Variants in ACOT7 observed in about 807,000 individuals in gnomAD.
ACOT7 encodes acyl-CoA thioesterase 7.
A neutral mutation model predicts 40.2 loss-of-function variants in ACOT7; 12 were observed. That is an observed-to-expected ratio of 0.30 (90% CI 0.19 to 0.48). The LOEUF is 0.48. Among genes scored for constraint, ACOT7 ranks in the 20% least tolerant of loss-of-function variants. The pLI, the probability that ACOT7 is intolerant of heterozygous loss-of-function variation, is 0.99. For synonymous variants in ACOT7, 228 were observed against 219.5 expected, an observed-to-expected ratio of 1.04 and a Z score of -0.34; for missense variants, 395 against 530.8, an observed-to-expected ratio of 0.74 and a Z score of 2.51.
intron 7 of ACOT7, chr1:6,283,037 G>A (rs1639399157): frequency 2.5e-6 from 1 of 404,530 alleles, no homozygotes; most frequent in African/African-American, 2.1e-5. Context: ...TCCATGAGCA[G>A]AAACCAACAA....
rs1639581489 is a variant in ACOT7 at position 6,288,768 on chromosome 1, G to GCCA, written c.829+6093_829+6095dup. Among the ~76,000 whole-genome samples the GCCA allele has an allele frequency of 6.6e-6, 1 of 152,210 alleles. No homozygotes were observed. The highest frequency in any genetic ancestry group is 1.5e-5 in the Non-Finnish European group (1 of 68,032). On this transcript the variant is annotated intron_variant, in intron 7 of 8. Transcript: ENST00000361521. The surrounding 1 kb of genome is among the most constrained non-coding windows in gnomAD (Gnocchi z 4.3). ...ATGGCCGCGGGTGAGGCCTCTCCCA[G>GCCA]CCACGACAAGTGCCCCAAGTTCGTA... is the stretch of plus-strand genomic sequence containing the variant.
chr1:6,359,020 T>C lies in ACOT7; in HGVS notation c.144-9154A>G. The C allele has an allele frequency of 9.3e-7, 1 of 1,078,456 alleles. No individual in the cohort carries two copies. The highest frequency in any genetic ancestry group is 2.9e-4 in the Middle Eastern group (1 of 3,480). The allele number at this position is 1,078,456 out of a possible 1,614,324, so 66.8% of individuals were successfully genotyped here. A position where few individuals can be genotyped will look rare whatever the true frequency, so the allele number is the denominator to read the frequency against. On this transcript the variant is annotated intron_variant, in intron 1 of 8. Coordinates refer to ENST00000361521, the MANE Select transcript of ACOT7 (RefSeq NM_007274.4). This position sits in a 1 kb window ranked among gnomAD's most constrained non-coding sequence, Gnocchi z 4.1. ...CCAATCTGGCCAGGAAGAGGCTGCC[T>C]CGCCAATCCAGAGCGTCTACCAGAA...
intron 7 of ACOT7, 113 bp from the exon 8 acceptor site, chr1:6,281,399 T>C: frequency 1.2e-6 from 1 of 853,794 alleles, no homozygotes; most frequent in South Asian, 1.5e-5. Flanking sequence ...AGCAGTGGCT[T>C]GGCTGACTAC....
Position 6,358,688 on chromosome 1 carries a change from C to T in ACOT7, c.144-8822G>A. 1 of 853,986 alleles carries T rather than the reference C, an allele frequency of 1.2e-6. No homozygotes were observed. Among genetic ancestry groups the T allele is most frequent in the Non-Finnish European group, 1.9e-6 (1 of 535,300 alleles). The allele number at this position is 853,986 out of a possible 1,614,324, so 52.9% of individuals were successfully genotyped here. A position where few individuals can be genotyped will look rare whatever the true frequency, so the allele number is the denominator to read the frequency against. On this transcript the variant is annotated intron_variant, in intron 1 of 8. Transcript: ENST00000361521. This position sits in a 1 kb window ranked among gnomAD's most constrained non-coding sequence, Gnocchi z 4.1. The stretch of plus-strand genomic sequence containing the variant: ...GCCAGGTGGGTGCCCTACTGCCCTT[C>T]CTGGCTGCATGACACCAGCCAGCCT...
chr1:6,335,628 C>T (rs1309319444), intron 3 of ACOT7, among the ~76,000 whole-genome samples: 1 of 152,208 alleles, frequency 6.6e-6, no homozygotes, highest in African/African-American at 2.4e-5. Context: ...CAGAGGAGCT[C>T]ACTTCCCACC....
chr1:6,288,813 C>T lies in ACOT7; in HGVS notation c.829+6051G>A, dbSNP rs150123274. On this transcript the variant is annotated intron_variant, in intron 7 of 8. Transcript: ENST00000361521. This position sits in a 1 kb window ranked among gnomAD's most constrained non-coding sequence, Gnocchi z 4.3. ...TTCGTAAGTTCCTCCTAGGCACACA[C>T]CCTTCGTGGCTGAAACTCAAAGTTA... Among the ~76,000 whole-genome samples the T allele has an allele frequency of 1.6e-3, 251 of 152,342 alleles. 1 individual carries two copies. Among genetic ancestry groups the T allele is most frequent in the African/African-American group, 5.6e-3 (234 of 41,578 alleles).
chr1:6,391,512 C>CA (rs1642532535), intron 1 of ACOT7, among the ~76,000 whole-genome samples: 2 of 152,166 alleles, frequency 1.3e-5, no homozygotes, highest in South Asian at 4.1e-4. Context: ...TCTCAAAAAA[C>CA]AAAAAATCTA....
chr1:6,290,646 G>A (rs1344273501), intron 7 of ACOT7, among the ~76,000 whole-genome samples: 1 of 152,224 alleles, frequency 6.6e-6, no homozygotes, highest in East Asian at 1.9e-4. Flanking sequence ...GCAACCCTCG[G>A]TCTATGCGAC....
chr1:6,340,963 G>T lies in ACOT7; in HGVS notation c.262-1374C>A, dbSNP rs374044511. 1.8e-4 allele frequency among the ~76,000 whole-genome samples: 27 copies of T among 151,992 alleles called. No homozygotes were observed. In the East Asian group the frequency reaches 5.3e-3, roughly 30 times the overall value. ...AGGTATGAGAATCAGGTGAACTCGGGACGGGGAGGTTGCAGTGAGCTGAGA... is the reference window on the plus strand; with the variant it reads ...AGGTATGAGAATCAGGTGAACTCGGTACGGGGAGGTTGCAGTGAGCTGAGA... On this transcript the variant is annotated intron_variant, in intron 2 of 8. Coordinates refer to ENST00000361521, the MANE Select transcript of ACOT7 (RefSeq NM_007274.4).
In ACOT7 at chr1:6,299,665, AGTGTGTGT is replaced by A. The variant is rs3838286; in HGVS notation, c.713-4693_713-4686del. On this transcript the variant is annotated intron_variant, in intron 6 of 8. Coordinates refer to ENST00000361521, the MANE Select transcript of ACOT7 (RefSeq NM_007274.4). The surrounding 1 kb of genome is among the most constrained non-coding windows in gnomAD (Gnocchi z 4.1). ...CAGAGAGAGAGAGAGAGAGAGCGCA[AGTGTGTGT>A]GTGTGTGTGTGTGTGTGTAGGGCAC... Among the ~76,000 whole-genome samples, 10 of 148,546 alleles carry A rather than the reference AGTGTGTGT, an allele frequency of 6.7e-5. No homozygotes were observed. The highest frequency in any genetic ancestry group is 3.4e-3 in the Middle Eastern group (1 of 290).
chr1:6,311,898 C>A lies in ACOT7; in HGVS notation c.712+6594G>T, dbSNP rs1640341639. ...AGCTCCTGGACACCCCTCACCCCGA[C>A]TCCCAGGGTCTGGGTCACCTGTCGG... On this transcript the variant is annotated intron_variant, in intron 6 of 8. Transcript: ENST00000361521. The surrounding 1 kb of genome is among the most constrained non-coding windows in gnomAD (Gnocchi z 5.2). 6.6e-6 allele frequency among the ~76,000 whole-genome samples: 1 copy of A among 152,174 alleles called. No homozygotes were observed. The highest frequency in any genetic ancestry group is 1.5e-5 in the Non-Finnish European group (1 of 68,034).
At chr1:6,357,345 G>A (rs1305722836) in intron 1 of ACOT7, among the ~76,000 whole-genome samples, 1 of 152,254 alleles carries the variant, frequency 6.6e-6, no homozygotes, top group African/African-American at 2.4e-5. Flanking sequence ...AAGCTAAAGT[G>A]CCCACCTGAA....
At chr1:6,315,810 G>C (rs1483212923) in intron 6 of ACOT7, among the ~76,000 whole-genome samples, 1 of 142,326 alleles carries the variant, frequency 7.0e-6, no homozygotes, top group East Asian at 2.1e-4. Context: ...AAAATTATTA[G>C]ATTTTTTTAC....
intron 6 of ACOT7, among the ~76,000 whole-genome samples, chr1:6,300,062 G>A (rs554788524): frequency 1.3e-5 from 2 of 152,372 alleles, no homozygotes; most frequent in South Asian, 2.1e-4. Context: ...CAGCAGGACC[G>A]TGTGTGCTGG....
chr1:6,270,696 G>A (rs1346017172), intron 8 of ACOT7, among the ~76,000 whole-genome samples: 1 of 152,206 alleles, frequency 6.6e-6, no homozygotes, highest in Non-Finnish European at 1.5e-5. Flanking sequence ...TTCCTATGGT[G>A]CCGGTGCACG....
At chr1:6,364,602 C>T (rs1407264798) in intron 1 of ACOT7, among the ~76,000 whole-genome samples, 1 of 151,132 alleles carries the variant, frequency 6.6e-6, no homozygotes, top group African/African-American at 2.4e-5. Context: ...GTAATCCCAG[C>T]ACTTTGGGAG....
At chr1:6,384,630 C>T (rs1053150093) in intron 1 of ACOT7, among the ~76,000 whole-genome samples, 1 of 151,816 alleles carries the variant, frequency 6.6e-6, no homozygotes, top group African/African-American at 2.4e-5. Context: ...CTACCTTCTG[C>T]GGTATAGGAA....
chr1:6,385,541 A>G, intron 1 of ACOT7: 3 of 1,612,292 alleles, frequency 1.9e-6, no homozygotes, highest in Non-Finnish European at 2.5e-6. Context: ...CCCTGGGCCC[A>G]ACCACCTGGA....
At chr1:6,327,550 AG>A in intron 4 of ACOT7, 137 bp from the exon 5 acceptor site, 1 of 684,764 alleles carries the variant, frequency 1.5e-6, no homozygotes, top group Non-Finnish European at 2.5e-6. Context: ...TTTTAATATA[AG>A]TAATAAGAAT....
Sources: allele counts gnomAD v4.1 joint callset (sites outside exome capture counted in the v4.1 genomes callset), GRCh38; gene constraint gnomAD v4.1.1; non-coding constraint Gnocchi (gnomAD v3.1); transcripts MANE v1.5; gene names NCBI Gene and HGNC (gene_info 2026-07-23, HGNC 2026-07-21).